The following EZH2 variants were observed in gnomAD, a reference collection of about 807,000 sequenced individuals.
EZH2 encodes the protein histone-lysine N-methyltransferase EZH2.
In EZH2, 18 loss-of-function variants were observed where a neutral mutation model predicts 98.4. The observed-to-expected ratio is 0.18, with a 90% confidence interval of 0.13 to 0.27. EZH2 has a LOEUF of 0.27. EZH2 is among the 10% of genes least tolerant of loss of function. The pLI is 1.00. For missense variants in EZH2, 470 were observed against 935.1 expected (o/e 0.50, Z 6.49); for synonymous variants, 338 against 312.3 (o/e 1.08, Z -0.87).
At chr7:148,863,198 G>A (rs1817956985) in intron 1 of EZH2, among the ~76,000 whole-genome samples, 1 of 151,796 alleles carries the variant, frequency 6.6e-6, no homozygotes, top group Admixed American at 6.6e-5. Context: ...CGAATCCGAA[G>A]TCATAATACC....
At position 148,819,615 on chromosome 7, in the gene EZH2, G is replaced by T; in HGVS notation, c.980C>A (p.Pro327Gln). 6.2e-7 allele frequency: 1 copy of T among 1,613,990 alleles called. No individual in the cohort carries two copies. The highest frequency in any genetic ancestry group is 8.5e-7 in the Non-Finnish European group (1 of 1,179,914). The change falls in exon 9 of 20, where the codon CCA becomes CAA. Residue 327 changes from proline to glutamine, a missense_variant. Coordinates refer to ENST00000320356, the MANE Select transcript of EZH2 (RefSeq NM_004456.5). ...TCTTACCAAATGCTGGTAACACTGT[G>T]GTCCACAAGGTTTGTTGTCTAGAGC... ...ETALDNKPCG[P>Q]QCYQHLEGAK...
At chr7:148,855,589 A>G (rs1280286523) in intron 1 of EZH2, among the ~76,000 whole-genome samples, 3 of 152,156 alleles carry the variant, frequency 2.0e-5, no homozygotes, top group Admixed American at 6.5e-5. Flanking sequence ...GGTAAGCACT[A>G]TATCAGCATT....
chr7:148,825,809 C>T (rs577329369), intron 8 of EZH2, among the ~76,000 whole-genome samples: 1 of 152,286 alleles, frequency 6.6e-6, no homozygotes, highest in East Asian at 1.9e-4. Flanking sequence ...GTATTAAATA[C>T]ATTTTCAAAA....
chr7:148,845,472 G>A (rs763995217), intron 3 of EZH2, among the ~76,000 whole-genome samples: 19 of 152,162 alleles, frequency 1.2e-4, no homozygotes, highest in Non-Finnish European at 2.4e-4. Context: ...CATTCCAAGT[G>A]TCACCATCAA....
chr7:148,878,834 G>C (rs1425705806), intron 1 of EZH2, among the ~76,000 whole-genome samples: 1 of 152,122 alleles, frequency 6.6e-6, no homozygotes, highest in Non-Finnish European at 1.5e-5. Context: ...AGGAGGCAGA[G>C]GTTGCAGTGA....
intron 1 of EZH2, among the ~76,000 whole-genome samples, chr7:148,874,597 AT>A (rs985478891): frequency 6.6e-6 from 1 of 151,992 alleles, no homozygotes; most frequent in East Asian, 1.9e-4. Flanking sequence ...TGCTTTATAT[AT>A]TTTTTTCTTT....
intron 1 of EZH2, among the ~76,000 whole-genome samples, chr7:148,866,710 A>G (rs1401706921): frequency 6.8e-6 from 1 of 146,334 alleles, no homozygotes; most frequent in African/African-American, 2.5e-5. Context: ...ATATGCATAT[A>G]TATATATATT....
rs1002163012 is a variant in EZH2 at position 148,847,287 on chromosome 7, A to C, written c.12T>G (p.Thr4=). The C allele has an allele frequency of 1.2e-6, 2 of 1,613,724 alleles. No homozygotes were observed. The highest frequency in any genetic ancestry group is 1.7e-5 in the Admixed American group (1 of 59,916). The part of the protein sequence containing the change: MGQ[T]GKKSEKGPVC... ...CTGGTCCCTTCTCAGATTTCTTCCC[A>C]GTCTGGCCCATGATTATTCTAAAAG... Residue 4 remains threonine, a synonymous_variant, in exon 2 of 20, where the codon ACT becomes ACG. Transcript: ENST00000320356.
At chr7:148,874,330 G>A (rs914767537) in intron 1 of EZH2, among the ~76,000 whole-genome samples, 22 of 152,276 alleles carry the variant, frequency 1.4e-4, no homozygotes, top group African/African-American at 5.3e-4. Flanking sequence ...GGAGGTTGCA[G>A]TAAGCCAAGA....
chr7:148,827,090 C>G (rs1194696505), intron 7 of EZH2, 74 bp downstream of exon 7: 2 of 1,118,460 alleles, frequency 1.8e-6, no homozygotes, highest in Non-Finnish European at 2.6e-6. Flanking sequence ...TACATTGATT[C>G]CATTTGTAAT....
intron 3 of EZH2, among the ~76,000 whole-genome samples, chr7:148,834,160 T>C (rs116733950): frequency 0.022 from 3,293 of 152,182 alleles, 115 homozygotes; most frequent in African/African-American, 0.075. Context: ...ACTCTGTGCC[T>C]AAATAACCAC....
At chr7:148,824,359 T>C (rs772906583) in intron 8 of EZH2, among the ~76,000 whole-genome samples, 1 of 151,606 alleles carries the variant, frequency 6.6e-6, no homozygotes, top group Non-Finnish European at 1.5e-5. Context: ...GAAACAGTCA[T>C]GTGCTGCATA....
chr7:148,823,184 C>T (rs766434783), intron 8 of EZH2, among the ~76,000 whole-genome samples: 4 of 152,256 alleles, frequency 2.6e-5, no homozygotes, highest in Non-Finnish European at 4.4e-5. Flanking sequence ...TCTGACTTTG[C>T]TGGTAGGGCT....
intron 1 of EZH2, among the ~76,000 whole-genome samples, chr7:148,854,294 G>A (rs867937010): frequency 3.7e-4 from 56 of 152,294 alleles, no homozygotes; most frequent in African/African-American, 1.3e-3. Flanking sequence ...AAATTAGCCA[G>A]GCGTGGTGGC....
At chr7:148,812,806 G>A (rs2129469400) in intron 15 of EZH2, among the ~76,000 whole-genome samples, 1 of 152,182 alleles carries the variant, frequency 6.6e-6, no homozygotes, top group Middle Eastern at 3.4e-3. Flanking sequence ...ACTGCCTAGA[G>A]TAAAATCATC....
chr7:148,848,831 C>T (rs1814891804), intron 1 of EZH2, among the ~76,000 whole-genome samples: 1 of 152,070 alleles, frequency 6.6e-6, no homozygotes, highest in Non-Finnish European at 1.5e-5. Flanking sequence ...GGTTCCAGGA[C>T]ACCCCTCGGA....
intron 8 of EZH2, among the ~76,000 whole-genome samples, chr7:148,821,963 A>C (rs922556260): frequency 6.6e-6 from 1 of 152,240 alleles, no homozygotes; most frequent in Non-Finnish European, 1.5e-5. Flanking sequence ...AGAAACCCAA[A>C]TACATATGGC....
At chr7:148,810,833 T>A (rs950428561) in intron 16 of EZH2, among the ~76,000 whole-genome samples, 3 of 147,512 alleles carry the variant, frequency 2.0e-5, no homozygotes, top group Non-Finnish European at 4.4e-5. Context: ...GAGGCTGAGG[T>A]TGCGGTGAGC....
intron 6 of EZH2, 122 bp downstream of exon 6, chr7:148,828,618 C>G: frequency 8.0e-7 from 1 of 1,250,130 alleles, no homozygotes; most frequent in South Asian, 1.5e-5. Flanking sequence ...ATACTGCTAT[C>G]AATGTGATAT....
Sources: gnomAD v4.1 joint callset for allele counts (sites outside exome capture counted in the v4.1 genomes callset) on GRCh38, gnomAD v4.1.1 for gene constraint, MANE v1.5 for transcripts, NCBI Gene and HGNC (gene_info 2026-07-23, HGNC 2026-07-21) for gene names.